The following DPP10 variants were observed in gnomAD, a reference collection of about 807,000 sequenced individuals.
DPP10 encodes the protein inactive dipeptidyl peptidase 10.
DPP10 carries 33 observed loss-of-function variants against 120.9 expected under a neutral mutation model. That is an observed-to-expected ratio of 0.27 (90% CI 0.21 to 0.37). The LOEUF is 0.37. Ranked by LOEUF, DPP10 falls within the 10% of genes least tolerant of loss-of-function variation. DPP10 has a pLI of 1.00. For missense variants in DPP10, 816 were observed against 942.8 expected, an observed-to-expected ratio of 0.87 and a Z score of 1.76; for synonymous variants, 337 against 326.1, an observed-to-expected ratio of 1.03 and a Z score of -0.36.
chr2:114,711,979 T>G (rs1358596070), intron 1 of DPP10, among the ~76,000 whole-genome samples: 2 of 152,156 alleles, frequency 1.3e-5, no homozygotes, highest in Non-Finnish European at 1.5e-5. Flanking sequence ...ATTATCATCA[T>G]CAAATATTTA....
chr2:115,273,101 CTG>C (rs2059768073), intron 1 of DPP10, among the ~76,000 whole-genome samples: 1 of 152,096 alleles, frequency 6.6e-6, no homozygotes, highest in South Asian at 2.1e-4. Context: ...GACAAATAAT[CTG>C]TATGAATTTT....
In DPP10 at chr2:114,635,647, T is replaced by C. The variant is rs144156536; in HGVS notation, c.60+192809T>C. Among the ~76,000 whole-genome samples, 28 of 152,028 alleles carry C rather than the reference T, an allele frequency of 1.8e-4. 1 individual carries two copies. Among genetic ancestry groups the C allele is most frequent in the African/African-American group, 6.8e-4 (28 of 41,298 alleles). ...AATTTATCATGGTAGATTGAACACATTGACTTGTATTAAGGCAGCAGATCT... is the reference window on the plus strand; with the variant it reads ...AATTTATCATGGTAGATTGAACACACTGACTTGTATTAAGGCAGCAGATCT... On this transcript the variant is annotated intron_variant, in intron 1 of 25. Coordinates refer to ENST00000410059, the MANE Select transcript of DPP10 (RefSeq NM_020868.6).
intron 19 of DPP10, among the ~76,000 whole-genome samples, chr2:115,796,069 T>A (rs938054847): frequency 6.6e-6 from 1 of 152,102 alleles, no homozygotes; most frequent in Non-Finnish European, 1.5e-5. Context: ...CGTAACAGTC[T>A]TCATGATATA....
intron 5 of DPP10, among the ~76,000 whole-genome samples, chr2:115,638,138 G>A (rs891002336): frequency 1.3e-5 from 2 of 152,134 alleles, no homozygotes; most frequent in Admixed American, 6.6e-5. Flanking sequence ...ATTTTAATGG[G>A]TACTGCCTTC....
chr2:114,578,767 A>G (rs979717361), intron 1 of DPP10, among the ~76,000 whole-genome samples: 1 of 152,110 alleles, frequency 6.6e-6, no homozygotes, highest in African/African-American at 2.4e-5. Context: ...ACTAGTATGA[A>G]TTTTCATCTT....
At chr2:115,262,407 C>T (rs1232976504) in intron 1 of DPP10, among the ~76,000 whole-genome samples, 1 of 151,538 alleles carries the variant, frequency 6.6e-6, no homozygotes, top group Non-Finnish European at 1.5e-5. Context: ...TTTTCATATA[C>T]TTACTATTTT....
intron 3 of DPP10, among the ~76,000 whole-genome samples, chr2:115,370,569 G>A (rs1574588832): frequency 6.6e-6 from 1 of 152,080 alleles, no homozygotes; most frequent in South Asian, 2.1e-4. Flanking sequence ...TTTAATTCCT[G>A]GATTACATGA....
chr2:115,361,349 G>A (rs2064753221), intron 3 of DPP10, among the ~76,000 whole-genome samples: 1 of 152,082 alleles, frequency 6.6e-6, no homozygotes, highest in Admixed American at 6.5e-5. Flanking sequence ...CTGTTCTGCG[G>A]GAGGGCAAAG....
intron 3 of DPP10, among the ~76,000 whole-genome samples, chr2:115,445,295 A>G (rs1316383333): frequency 1.3e-5 from 2 of 152,206 alleles, no homozygotes; most frequent in Non-Finnish European, 2.9e-5. Flanking sequence ...GGGTACTGCT[A>G]TAAAGATAAC....
chr2:115,618,141 A>G (rs2084668945), intron 5 of DPP10, among the ~76,000 whole-genome samples: 1 of 152,210 alleles, frequency 6.6e-6, no homozygotes, highest in Admixed American at 6.5e-5. Flanking sequence ...AGCAAAACCA[A>G]GGATAAGGAT....
At chr2:115,669,514 G>A (rs551499416) in intron 5 of DPP10, among the ~76,000 whole-genome samples, 6 of 152,128 alleles carry the variant, frequency 3.9e-5, no homozygotes, top group Non-Finnish European at 7.4e-5. Context: ...TAGTCAGAAA[G>A]TTCCCAGGTA....
chr2:114,542,207 C>T (rs894428264), intron 1 of DPP10, among the ~76,000 whole-genome samples: 1 of 151,720 alleles, frequency 6.6e-6, no homozygotes, highest in African/African-American at 2.4e-5. Context: ...GTCACCATGC[C>T]TGGCTAATTT....
chr2:114,443,471 G>A (rs1677771880), intron 1 of DPP10, among the ~76,000 whole-genome samples: 2 of 152,152 alleles, frequency 1.3e-5, no homozygotes, highest in African/African-American at 2.4e-5. Flanking sequence ...CATGGTTAAA[G>A]GTAAAGAACA....
intron 4 of DPP10, among the ~76,000 whole-genome samples, chr2:115,500,452 A>G (rs1283159014): frequency 6.6e-6 from 1 of 151,986 alleles, no homozygotes; most frequent in African/African-American, 2.4e-5. Context: ...AATGTATTCT[A>G]CTTGTACATT....
chr2:114,984,711 T>C (rs539341193), intron 1 of DPP10, among the ~76,000 whole-genome samples: 1 of 152,196 alleles, frequency 6.6e-6, no homozygotes, highest in Non-Finnish European at 1.5e-5. Flanking sequence ...GTCAAAACTT[T>C]AGCATTATCC....
At chr2:115,798,255 T>C (rs1684765419) in intron 19 of DPP10, among the ~76,000 whole-genome samples, 1 of 151,992 alleles carries the variant, frequency 6.6e-6, no homozygotes, top group Non-Finnish European at 1.5e-5. Flanking sequence ...GTAATTCATA[T>C]TGAAATCAGT....
In DPP10 at chr2:114,461,750, G is replaced by A. The variant is rs1383708621; in HGVS notation, c.60+18912G>A. On this transcript the variant is annotated intron_variant, in intron 1 of 25. Coordinates refer to ENST00000410059, the MANE Select transcript of DPP10 (RefSeq NM_020868.6). ...AGGGACATGTTAATTAAACAGTCTG[G>A]GGCTCAGTGCTGCCATCCGTAAATT... 1.1e-5 allele frequency: 11 copies of A among 985,250 alleles called. No individual in the cohort carries two copies. In the African/African-American group the frequency reaches 1.7e-4, roughly 16 times the overall value. The allele number at this position is 985,250 out of a possible 1,614,324, so 61.0% of individuals were successfully genotyped here. A position where few individuals can be genotyped will look rare whatever the true frequency, so the allele number is the denominator to read the frequency against.
intron 1 of DPP10, among the ~76,000 whole-genome samples, chr2:115,039,414 T>C (rs1209506604): frequency 1.3e-5 from 2 of 152,194 alleles, no homozygotes; most frequent in Non-Finnish European, 2.9e-5. Context: ...TTACTGCAAA[T>C]TGTAGTCTTC....
chr2:114,902,985 C>T (rs1693698730), intron 1 of DPP10, among the ~76,000 whole-genome samples: 1 of 152,110 alleles, frequency 6.6e-6, no homozygotes, highest in Admixed American at 6.5e-5. Context: ...TCCCAGAAAC[C>T]ACTAATCTTT....
Sources: allele counts gnomAD v4.1 joint callset (sites outside exome capture counted in the v4.1 genomes callset), GRCh38; gene constraint gnomAD v4.1.1; transcripts MANE v1.5; gene names NCBI Gene and HGNC (gene_info 2026-07-23, HGNC 2026-07-21).